Variants in MYOF observed in about 807,000 individuals in gnomAD.
MYOF encodes fer-1-like 3, myoferlin.
In MYOF, 244 loss-of-function variants were observed where a neutral mutation model predicts 284.2. That is an observed-to-expected ratio of 0.86 (90% CI 0.77 to 0.95). The LOEUF (loss-of-function observed/expected upper bound fraction) is 0.95. Ranked by LOEUF, MYOF falls within the 40% of genes least tolerant of loss-of-function variation. MYOF has a pLI of 0.00. For missense variants in MYOF, 2,496 were observed against 2,560.6 expected (o/e 0.97, Z 0.54); for synonymous variants, 904 against 919.7 (o/e 0.98, Z 0.31).
chr10:93,381,107 A>G (rs970959279), intron 20 of MYOF, 112 bp downstream of exon 20: 2 of 1,201,712 alleles, frequency 1.7e-6, no homozygotes, highest in Non-Finnish European at 2.4e-6. Flanking sequence ...TTTCCTTTCC[A>G]CTAACCATAG....
At chr10:93,417,982 G>T (rs1848202340) in intron 5 of MYOF, among the ~76,000 whole-genome samples, 2 of 151,988 alleles carry the variant, frequency 1.3e-5, no homozygotes, top group Non-Finnish European at 2.9e-5. Context: ...TATTTTTTTG[G>T]AGAGATGGAG....
intron 25 of MYOF, among the ~76,000 whole-genome samples, chr10:93,369,378 T>C (rs746929232): frequency 2.6e-5 from 4 of 152,004 alleles, no homozygotes; most frequent in African/African-American, 4.8e-5. Context: ...GCTAGTAAGA[T>C]TGTGGTAGAA....
chr10:93,354,012 C>T (rs1214842935), intron 31 of MYOF, 124 bp from the exon 32 acceptor site: 13 of 684,894 alleles, frequency 1.9e-5, no homozygotes, highest in Non-Finnish European at 2.9e-5. Context: ...TATAGTTCCC[C>T]ACAGTAAAGA....
At chr10:93,334,868 A>G (rs534736893) in intron 41 of MYOF, among the ~76,000 whole-genome samples, 1 of 152,286 alleles carries the variant, frequency 6.6e-6, no homozygotes, top group African/African-American at 2.4e-5. Flanking sequence ...GGGAGGCTGT[A>G]CTGAGAAGGA....
At chr10:93,454,131 G>A (rs145176658) in intron 2 of MYOF, among the ~76,000 whole-genome samples, 284 of 152,182 alleles carry the variant, frequency 1.9e-3, no homozygotes, top group African/African-American at 6.5e-3. Flanking sequence ...GCAGTGAGCC[G>A]AGATCGCACC....
intron 39 of MYOF, 140 bp from the exon 40 acceptor site, chr10:93,338,053 A>T: frequency 1.5e-6 from 1 of 665,488 alleles, no homozygotes. Flanking sequence ...TTTTGTTTAC[A>T]TGCACAATGG....
chr10:93,310,127 T>C lies in MYOF; in HGVS notation c.6040A>G (p.Lys2014Glu). The change falls in exon 53 of 54, where the codon AAG (lysine) becomes GAG (glutamate). Residue 2014 changes from lysine to glutamate, a missense_variant. Lys to Glu is a moderately conservative substitution (Grantham distance 56). Around this residue, in one of 3 missense-constraint regions of MYOF, gnomAD observed 2,436 missense variants for 2,480.7 expected, o/e 0.98. Coordinates refer to ENST00000359263, the MANE Select transcript of MYOF (RefSeq NM_013451.4). ...TSFLWFTNPC[K>E]TMKFIVWRRF... Reference sequence around the variant, plus strand: ...CGCCACACGATGAACTTCATGGTCTTGCATGGGTTGGTGAACCAGAGGAAG... The same window carrying C: ...CGCCACACGATGAACTTCATGGTCTCGCATGGGTTGGTGAACCAGAGGAAG... The C allele has an allele frequency of 6.2e-7, 1 of 1,614,190 alleles. No homozygotes were observed. Among genetic ancestry groups the C allele is most frequent in the Non-Finnish European group, 8.5e-7 (1 of 1,180,034 alleles).
intron 16 of MYOF, among the ~76,000 whole-genome samples, chr10:93,394,263 G>A (rs911762592): frequency 5.9e-5 from 9 of 151,336 alleles, no homozygotes; most frequent in Admixed American, 2.6e-4. Flanking sequence ...CACCACACCC[G>A]GCTAATTTTT....
At chr10:93,412,563 G>A (rs968665158) in intron 5 of MYOF, among the ~76,000 whole-genome samples, 1 of 151,930 alleles carries the variant, frequency 6.6e-6, no homozygotes, top group Non-Finnish European at 1.5e-5. Context: ...TCTCCTACCC[G>A]CCACACATTG....
At chr10:93,409,469 A>G in intron 6 of MYOF, 104 bp downstream of exon 6, 8 of 1,318,978 alleles carry the variant, frequency 6.1e-6, no homozygotes, top group Non-Finnish European at 6.3e-6. Context: ...TTACCGGTTG[A>G]GCCATTGTCC....
intron 43 of MYOF, among the ~76,000 whole-genome samples, chr10:93,332,003 T>C (rs895621851): frequency 6.6e-6 from 1 of 152,188 alleles, no homozygotes; most frequent in Non-Finnish European, 1.5e-5. Flanking sequence ...TGGAAAAGCA[T>C]GGGGCTTGGA....
rs772336482 is a variant in MYOF at position 93,426,197 on chromosome 10, G to A, written c.346-39C>T. On this transcript the variant is annotated intron_variant, in intron 4 of 53. Transcript: ENST00000359263. ...ATTCGTTGCAAATATTATCAGTGCA[G>A]GGCACCAGCATGTTATAGACTCAAT... is the stretch of plus-strand genomic sequence containing the variant. 1.8e-5 allele frequency: 28 copies of A among 1,543,734 alleles called. No individual in the cohort carries two copies. In the South Asian group the frequency reaches 3.4e-4, roughly 19 times the overall value.
intron 27 of MYOF, 32 bp downstream of exon 27, chr10:93,363,929 G>T: frequency 6.3e-7 from 1 of 1,598,164 alleles, no homozygotes; most frequent in Non-Finnish European, 8.6e-7. Flanking sequence ...GAGGTGACAG[G>T]TGAGAGTTTC....
At chr10:93,311,247 C>G (rs971575492) in intron 51 of MYOF, among the ~76,000 whole-genome samples, 2 of 152,084 alleles carry the variant, frequency 1.3e-5, no homozygotes, top group East Asian at 3.9e-4. Context: ...GGCAACCCTA[C>G]AAAGGTACTA....
chr10:93,452,297 A>T (rs2056615183), intron 2 of MYOF, among the ~76,000 whole-genome samples, 156 bp from the exon 3 acceptor site: 1 of 152,092 alleles, frequency 6.6e-6, no homozygotes, highest in Non-Finnish European at 1.5e-5. Context: ...CTAAACCTGA[A>T]GGCAGCTGAG....
At chr10:93,470,397 T>A (rs1312557656) in intron 1 of MYOF, among the ~76,000 whole-genome samples, 2 of 152,016 alleles carry the variant, frequency 1.3e-5, no homozygotes, top group African/African-American at 4.8e-5. Context: ...CCAGAAGTTT[T>A]TGTTTTTTTG....
intron 12 of MYOF, among the ~76,000 whole-genome samples, chr10:93,400,863 T>G (rs1357258472): frequency 2.0e-5 from 3 of 147,270 alleles, no homozygotes; most frequent in Non-Finnish European, 4.5e-5. Flanking sequence ...GTTTTTTTTT[T>G]TTTTTTTTTT....
chr10:93,409,638 C>A lies in MYOF; in HGVS notation c.535G>T (p.Ala179Ser). ...TTCTTTACTTTGGTGAGCCTCCGAG[C>A]AAGCTGAGCTTCCGACACCGTCCCA... Reference protein sequence around the residue: ...PVGTVSEAQLARRLTKVKNSR... With the variant: ...PVGTVSEAQLSRRLTKVKNSR... The change falls in exon 6 of 54, where the codon GCT becomes TCT. Residue 179 changes from alanine to serine, a missense_variant. Physicochemically the swap from Ala to Ser is moderately conservative, Grantham distance 99. Transcript: ENST00000359263. 3.1e-6 allele frequency: 5 copies of A among 1,614,234 alleles called. No homozygotes were observed. Among genetic ancestry groups the A allele is most frequent in the Non-Finnish European group, 4.2e-6 (5 of 1,180,046 alleles).
intron 19 of MYOF, among the ~76,000 whole-genome samples, chr10:93,383,894 C>T (rs1026185184): frequency 1.3e-5 from 2 of 152,146 alleles, no homozygotes; most frequent in African/African-American, 4.8e-5. Flanking sequence ...GCTGGGCCGG[C>T]TCTACCCCGT....
Sources: gnomAD v4.1 joint callset for allele counts (sites outside exome capture counted in the v4.1 genomes callset) on GRCh38, gnomAD v4.1.1 for gene constraint, gnomAD v4.1.1 regional missense constraint, MANE v1.5 for transcripts, NCBI Gene and HGNC (gene_info 2026-07-23, HGNC 2026-07-21) for gene names.